Variants in MICU1 observed in about 807,000 individuals in gnomAD.
The protein encoded by MICU1 is calcium uptake protein 1, mitochondrial.
In MICU1, 45 loss-of-function variants were observed where a neutral mutation model predicts 56.8. The ratio of observed to expected loss-of-function variants is 0.79; its 90% CI spans 0.62 to 1.02. MICU1 has a LOEUF of 1.02. Among genes scored for constraint, MICU1 ranks in the 50% least tolerant of loss-of-function variants. The pLI is 0.00. For synonymous variants in MICU1, 186 were observed against 195.1 expected (o/e 0.95, Z 0.39); for missense variants, 504 against 587.1 (o/e 0.86, Z 1.46).
chr10:72,599,939 A>G (rs3009543), intron 1 of MICU1, among the ~76,000 whole-genome samples: 151,860 of 152,314 alleles, frequency 1, 75,711 homozygotes, highest in Non-Finnish European at 1. Flanking sequence ...ATCATATGCC[A>G]AGGCTGCTAA....
intron 1 of MICU1, among the ~76,000 whole-genome samples, chr10:72,585,762 C>T (rs923373920): frequency 2.6e-5 from 4 of 152,044 alleles, no homozygotes; most frequent in South Asian, 4.2e-4. Context: ...TATAGTAATC[C>T]CTCAGTATCT....
intron 1 of MICU1, among the ~76,000 whole-genome samples, chr10:72,608,827 TCAAAC>T (rs1209156219): frequency 6.6e-6 from 1 of 152,198 alleles, no homozygotes; most frequent in Admixed American, 6.6e-5. Context: ...ACCCAACTGT[TCAAAC>T]CAAGTTCAAA....
chr10:72,383,581 A>AT (rs1475346027), intron 10 of MICU1, among the ~76,000 whole-genome samples: 3 of 152,140 alleles, frequency 2.0e-5, no homozygotes, highest in African/African-American at 7.2e-5. Flanking sequence ...ATGGATCATA[A>AT]TTTCCTTGTT....
intron 6 of MICU1, among the ~76,000 whole-genome samples, chr10:72,502,210 A>G (rs1415267301): frequency 2.1e-5 from 3 of 144,584 alleles, no homozygotes; most frequent in African/African-American, 7.9e-5. Context: ...GCTGGAGTGC[A>G]GTGGCGCAAC....
chr10:72,524,157 C>A (rs1867901984), intron 5 of MICU1, among the ~76,000 whole-genome samples: 1 of 152,214 alleles, frequency 6.6e-6, no homozygotes, highest in Admixed American at 6.5e-5. Flanking sequence ...GGGTCTCACT[C>A]TGTCACCCAG....
intron 3 of MICU1, among the ~76,000 whole-genome samples, chr10:72,562,100 G>A (rs1020428735): frequency 1.3e-5 from 2 of 150,580 alleles, no homozygotes; most frequent in African/African-American, 2.5e-5. Flanking sequence ...CTGAAACTTC[G>A]CTGAGGCAAA....
chr10:72,461,941 A>G (rs1865651445), intron 8 of MICU1, among the ~76,000 whole-genome samples: 1 of 152,128 alleles, frequency 6.6e-6, no homozygotes, highest in Non-Finnish European at 1.5e-5. Flanking sequence ...CAAGAGTGAA[A>G]CACTCCATCT....
rs559413339 is a variant in MICU1 at position 72,510,838 on chromosome 10, G to C, written c.538-2569C>G. Reference sequence around the variant, plus strand: ...AGTAGAGACGGGTTTTGCCATGTTGGCCAGGCTGGTCTTGAACTCCTGGCC... The same window carrying C: ...AGTAGAGACGGGTTTTGCCATGTTGCCCAGGCTGGTCTTGAACTCCTGGCC... On this transcript the variant is annotated intron_variant, in intron 5 of 11. Coordinates refer to ENST00000361114, the MANE Select transcript of MICU1 (RefSeq NM_001195518.2). Among the ~76,000 whole-genome samples the C allele has an allele frequency of 1.2e-3, 186 of 152,158 alleles. 1 individual carries two copies. Among genetic ancestry groups the C allele is most frequent in the African/African-American group, 4.0e-3 (167 of 41,530 alleles).
chr10:72,579,062 C>T (rs1222113127), intron 1 of MICU1, among the ~76,000 whole-genome samples: 3 of 152,208 alleles, frequency 2.0e-5, no homozygotes, highest in Non-Finnish European at 4.4e-5. Context: ...CCATGAGGCA[C>T]ACCTATACCT....
intron 10 of MICU1, among the ~76,000 whole-genome samples, chr10:72,396,599 T>C (rs984395415): frequency 3.9e-5 from 6 of 152,278 alleles, no homozygotes; most frequent in African/African-American, 1.4e-4. Flanking sequence ...AATAACCTGA[T>C]GGAGCTGAAA....
At chr10:72,478,564 A>C (rs914049262) in intron 6 of MICU1, among the ~76,000 whole-genome samples, 1 of 152,250 alleles carries the variant, frequency 6.6e-6, no homozygotes, top group African/African-American at 2.4e-5. Flanking sequence ...AAAAAAGTTA[A>C]GATTTTATGC....
At chr10:72,476,040 A>T (rs1866108948) in intron 7 of MICU1, among the ~76,000 whole-genome samples, 1 of 151,908 alleles carries the variant, frequency 6.6e-6, no homozygotes, top group Non-Finnish European at 1.5e-5. Context: ...CAGCCTGGCC[A>T]AGATGGTGAA....
intron 10 of MICU1, among the ~76,000 whole-genome samples, chr10:72,401,737 A>G (rs1309755961): frequency 6.6e-6 from 1 of 152,244 alleles, no homozygotes; most frequent in African/African-American, 2.4e-5. Context: ...GGAACACTTA[A>G]GATCTCAGCA....
At position 72,398,015 on chromosome 10, in the gene MICU1, T is replaced by C. The variant is rs371685416; in HGVS notation, c.1180+9914A>G. Among the ~76,000 whole-genome samples, 321 of 152,222 alleles carry C rather than the reference T, an allele frequency of 2.1e-3. 2 individuals are homozygous for C. Among genetic ancestry groups the C allele is most frequent in the African/African-American group, 7.2e-3 (300 of 41,564 alleles). On this transcript the variant is annotated intron_variant, in intron 10 of 11. Coordinates refer to ENST00000361114, the MANE Select transcript of MICU1 (RefSeq NM_001195518.2). Reference sequence around the variant, plus strand: ...GCACCACATCACACTTATTCTAAAATTGACCACATAATTGGAAGTAAAGTA... The same window carrying C: ...GCACCACATCACACTTATTCTAAAACTGACCACATAATTGGAAGTAAAGTA...
intron 1 of MICU1, among the ~76,000 whole-genome samples, chr10:72,601,506 A>C (rs2132547925): frequency 6.6e-6 from 1 of 151,648 alleles, no homozygotes; most frequent in East Asian, 1.9e-4. Context: ...GTGTATATAT[A>C]TGTTTGATGT....
intron 1 of MICU1, among the ~76,000 whole-genome samples, chr10:72,590,867 GACAA>G (rs1841207004): frequency 1.4e-5 from 2 of 142,528 alleles, no homozygotes; most frequent in Middle Eastern, 3.5e-3. Context: ...AAAAACAGAA[GACAA>G]ACAACACAAG....
intron 5 of MICU1, among the ~76,000 whole-genome samples, chr10:72,513,072 T>C (rs965653432): frequency 6.6e-5 from 10 of 152,064 alleles, no homozygotes; most frequent in Non-Finnish European, 1.5e-4. Flanking sequence ...GGCACAATCA[T>C]GGATCTGGGC....
chr10:72,551,899 G>C (rs550385650), intron 3 of MICU1, among the ~76,000 whole-genome samples: 1 of 152,258 alleles, frequency 6.6e-6, no homozygotes, highest in South Asian at 2.1e-4. Context: ...GCCTCCAAAA[G>C]TGCTGGGATT....
At chr10:72,540,922 T>C (rs144786861) in intron 4 of MICU1, among the ~76,000 whole-genome samples, 46 of 152,332 alleles carry the variant, frequency 3.0e-4, no homozygotes, top group Non-Finnish European at 5.4e-4. Flanking sequence ...TAAAAAGTTA[T>C]AAACACATAA....
Sources: gnomAD v4.1 joint callset for allele counts (sites outside exome capture counted in the v4.1 genomes callset) on GRCh38, gnomAD v4.1.1 for gene constraint, MANE v1.5 for transcripts, NCBI Gene and HGNC (gene_info 2026-07-23, HGNC 2026-07-21) for gene names.